Variants in CSMD1 observed in about 807,000 individuals in gnomAD.
The protein encoded by CSMD1 is CUB and sushi domain-containing protein 1.
Under a neutral mutation model 417.5 loss-of-function variants are expected in CSMD1, and 213 were observed. The ratio of observed to expected loss-of-function variants is 0.51; its 90% CI spans 0.46 to 0.57. The LOEUF is 0.57. CSMD1 is among the 20% of genes least tolerant of loss of function. CSMD1 has a pLI of 0.00. For synonymous variants in CSMD1, 2,862 were observed against 1,736.8 expected, an observed-to-expected ratio of 1.65 and a Z score of -16.11; for missense variants, 6,923 against 4,529.7, an observed-to-expected ratio of 1.53 and a Z score of -15.17.
chr8:4,981,898 C>G (rs1396253962), intron 1 of CSMD1, among the ~76,000 whole-genome samples: 1 of 152,160 alleles, frequency 6.6e-6, no homozygotes, highest in African/African-American at 2.4e-5. Context: ...CTCTCTCTCT[C>G]CCCCAACCCC....
chr8:3,003,302 A>G (rs1164571126), intron 52 of CSMD1, among the ~76,000 whole-genome samples: 2 of 152,298 alleles, frequency 1.3e-5, no homozygotes, highest in South Asian at 2.1e-4. Context: ...TGATAGTATT[A>G]TTCTATATGC....
At chr8:3,157,846 G>A (rs892828483) in intron 39 of CSMD1, 51 bp downstream of exon 39, 4 of 1,430,268 alleles carry the variant, frequency 2.8e-6, no homozygotes, top group Non-Finnish European at 3.9e-6. Flanking sequence ...GAGCAGGCAT[G>A]TTCTTCCCAG....
chr8:4,237,287 G>C (rs1246698623), intron 3 of CSMD1, among the ~76,000 whole-genome samples: 3 of 152,126 alleles, frequency 2.0e-5, no homozygotes, highest in African/African-American at 7.2e-5. Context: ...TTTATATTAA[G>C]AAACAAATAT....
chr8:3,622,319 G>T (rs1409803289), intron 7 of CSMD1, among the ~76,000 whole-genome samples: 1 of 152,124 alleles, frequency 6.6e-6, no homozygotes, highest in African/African-American at 2.4e-5. Flanking sequence ...CAAGATGAAC[G>T]ACTATCATTG....
chr8:3,560,249 A>T (rs1330507883), intron 10 of CSMD1, among the ~76,000 whole-genome samples: 2 of 152,204 alleles, frequency 1.3e-5, no homozygotes, highest in Non-Finnish European at 2.9e-5. Context: ...GGATAATATT[A>T]ACAGTAGTAC....
intron 10 of CSMD1, among the ~76,000 whole-genome samples, chr8:3,529,879 A>G (rs532344230): frequency 6.6e-6 from 1 of 152,334 alleles, no homozygotes; most frequent in East Asian, 1.9e-4. Context: ...AGAGAGAAGC[A>G]GGGCAAGCTG....
At chr8:3,113,980 G>C (rs1035197906) in intron 42 of CSMD1, among the ~76,000 whole-genome samples, 2 of 152,200 alleles carry the variant, frequency 1.3e-5, no homozygotes, top group South Asian at 2.1e-4. Context: ...CACTTTGGTA[G>C]GCTTAGGGAG....
At chr8:4,658,304 A>G (rs572527398) in intron 1 of CSMD1, among the ~76,000 whole-genome samples, 7 of 152,270 alleles carry the variant, frequency 4.6e-5, no homozygotes, top group East Asian at 3.9e-4. Context: ...ACATATTTTA[A>G]TAAAATTTTG....
intron 26 of CSMD1, among the ~76,000 whole-genome samples, chr8:3,267,108 G>C (rs1801490042): frequency 6.6e-6 from 1 of 152,228 alleles, no homozygotes; most frequent in Admixed American, 6.5e-5. Flanking sequence ...AATCAGGAGA[G>C]AAAGAGGCTT....
chr8:4,372,648 A>C (rs953882919), intron 3 of CSMD1, among the ~76,000 whole-genome samples: 2 of 142,690 alleles, frequency 1.4e-5, no homozygotes, highest in East Asian at 4.0e-4. Context: ...AAAAAAAAAA[A>C]TCACAAACAA....
intron 1 of CSMD1, among the ~76,000 whole-genome samples, chr8:4,776,430 G>A (rs1413090394): frequency 3.3e-5 from 5 of 151,904 alleles, no homozygotes; most frequent in Non-Finnish European, 5.9e-5. Context: ...AGAATTCTTC[G>A]GATCCTCATG....
chr8:4,072,996 ATACTC>A (rs1417354193), intron 3 of CSMD1, among the ~76,000 whole-genome samples: 2 of 152,190 alleles, frequency 1.3e-5, no homozygotes, highest in African/African-American at 2.4e-5. Context: ...ATTACACAAT[ATACTC>A]TATATGTAAG....
At chr8:3,862,990 T>A (rs1804822886) in intron 5 of CSMD1, among the ~76,000 whole-genome samples, 2 of 152,180 alleles carry the variant, frequency 1.3e-5, no homozygotes, top group Admixed American at 6.5e-5. Flanking sequence ...AATATCAAGG[T>A]ACCAACAGAT....
At chr8:3,642,609 C>A (rs1797363196) in intron 7 of CSMD1, among the ~76,000 whole-genome samples, 1 of 152,082 alleles carries the variant, frequency 6.6e-6, no homozygotes, top group Admixed American at 6.6e-5. Flanking sequence ...AACGAGAAAA[C>A]CTGGCATCGT....
intron 10 of CSMD1, among the ~76,000 whole-genome samples, chr8:3,567,773 A>C (rs1799776796): frequency 6.6e-6 from 1 of 152,012 alleles, no homozygotes; most frequent in South Asian, 2.1e-4. Flanking sequence ...CCCTTCCCTC[A>C]CACCCTCTGC....
intron 2 of CSMD1, among the ~76,000 whole-genome samples, chr8:4,603,435 G>A (rs11996143): frequency 0.93 from 141,595 of 152,134 alleles, 66,302 homozygotes; most frequent in Non-Finnish European, 0.98. Flanking sequence ...ACTCCATTCA[G>A]AATGTACAGG....
intron 5 of CSMD1, among the ~76,000 whole-genome samples, chr8:3,815,119 T>C (rs921105842): frequency 3.9e-5 from 6 of 152,200 alleles, no homozygotes; most frequent in African/African-American, 9.6e-5. Flanking sequence ...TAATTAGACA[T>C]GGGATATTTT....
At chr8:3,495,504 G>C (rs979344931) in intron 10 of CSMD1, among the ~76,000 whole-genome samples, 1 of 152,200 alleles carries the variant, frequency 6.6e-6, no homozygotes, top group Non-Finnish European at 1.5e-5. Context: ...GACAGAGAAA[G>C]TCTTTGTCAG....
At chr8:3,247,631 G>C (rs1799970647) in intron 26 of CSMD1, among the ~76,000 whole-genome samples, 1 of 152,138 alleles carries the variant, frequency 6.6e-6, no homozygotes, top group Non-Finnish European at 1.5e-5. Flanking sequence ...TGGCCTCTGA[G>C]CCTGGGTCAG....
Sources: allele counts gnomAD v4.1 joint callset (sites outside exome capture counted in the v4.1 genomes callset), GRCh38; gene constraint gnomAD v4.1.1; transcripts MANE v1.5; gene names NCBI Gene and HGNC (gene_info 2026-07-23, HGNC 2026-07-21).